FOXS1: variants seen among roughly 807,000 people sequenced by gnomAD.
The protein encoded by FOXS1 is forkhead box protein S1.
Under a neutral mutation model 13.0 loss-of-function variants are expected in FOXS1, and 7 were observed. The observed-to-expected ratio is 0.54, with a 90% CI of 0.31 to 1.01. The LOEUF is 1.01. FOXS1 is among the 50% of genes least tolerant of loss of function. The pLI, the probability that FOXS1 is intolerant of heterozygous loss-of-function variation, is 0.06. For synonymous variants in FOXS1, 161 were observed against 189.3 expected (o/e 0.85, Z 1.23); for missense variants, 414 against 464.1 (o/e 0.89, Z 0.99).
At position 31,845,427 on chromosome 20, in the gene FOXS1, GC is replaced by G; in HGVS notation, c.115del (p.Ala39ProfsTer126). 6.2e-7 allele frequency: 1 copy of G among 1,614,226 alleles called. No individual in the cohort carries two copies. The highest frequency in any genetic ancestry group is 8.5e-7 in the Non-Finnish European group (1 of 1,180,022). ...GTAGCGGTAGATGCCACTGAGGGTG[GC>G]CCGCTGCCCCGGTGAGCTCTGGATG... ...MAIQSSPGQRATLSGIYRYIM... is the reference protein window; with the variant it reads ...MAIQSSPGQRXTLSGIYRYIM... On this transcript the variant is annotated frameshift_variant, in exon 1 of 1. Coordinates refer to ENST00000375978, the MANE Select transcript of FOXS1 (RefSeq NM_004118.4). LOFTEE classifies it high-confidence loss of function.
In FOXS1 at chr20:31,845,292, C is replaced by G. The variant is rs374680968; in HGVS notation, c.251G>C (p.Arg84Pro). Residue 84 changes from arginine (R) to proline (P), a missense_variant, in exon 1 of 1, where the codon CGC becomes CCC. Transcript: ENST00000375978. ...CCAGTAGCTGCCCTTGCCTGGCTTG[C>G]GGTCATCGCGGGGCACCTTGACAAA... Reference protein sequence around the residue: ...ECFVKVPRDDRKPGKGSYWTL... With the variant: ...ECFVKVPRDDPKPGKGSYWTL... The G allele has an allele frequency of 2.5e-6, 4 of 1,614,214 alleles. No individual in the cohort carries two copies. In the East Asian group the frequency reaches 8.9e-5, roughly 36 times the overall value.
rs763889053 is a variant in FOXS1, at chr20:31,845,163, G to T, written c.380C>A (p.Ala127Asp). The T allele has an allele frequency of 6.2e-7, 1 of 1,607,488 alleles. No homozygotes were observed. Among genetic ancestry groups the T allele is most frequent in the South Asian group, 1.1e-5 (1 of 90,728 alleles). Residue 127 changes from alanine to aspartate, a missense_variant, in exon 1 of 1, where the codon GCC becomes GAC. By Grantham distance (126) the Ala-to-Asp change is moderately radical (BLOSUM62 -2). Coordinates refer to ENST00000375978, the MANE Select transcript of FOXS1 (RefSeq NM_004118.4). ...QTGAEGTRGP[A>D]KARRGPLRAT... ...CCTGAGGGGTCCACGGCGTGCCTTG[G>T]CGGGGCCCCGGGTGCCCTCAGCACC...
chr20:31,844,808 C>T lies in FOXS1; in HGVS notation c.735G>A (p.Gly245=), dbSNP rs2062363079. The part of the protein sequence containing the change: ...TPVLSPESGI[G]SSYQCRLQAL... Reference sequence around the variant, plus strand: ...CCTGCAGCCGACACTGGTAGCTGCTCCCGATGCCTGATTCCGGGGACAAGA... The same window carrying T: ...CCTGCAGCCGACACTGGTAGCTGCTTCCGATGCCTGATTCCGGGGACAAGA... Residue 245 remains glycine, a synonymous_variant, in exon 1 of 1, where the codon GGG becomes GGA. Coordinates refer to ENST00000375978, the MANE Select transcript of FOXS1 (RefSeq NM_004118.4). 1.9e-6 allele frequency: 3 copies of T among 1,614,188 alleles called. No homozygotes were observed. The highest frequency in any genetic ancestry group is 2.5e-6 in the Non-Finnish European group (3 of 1,180,018).
rs1371574863 is a variant in FOXS1 at position 31,845,174 on chromosome 20, G to C, written c.369C>G (p.Thr123=). The C allele has an allele frequency of 6.2e-7, 1 of 1,608,616 alleles. No individual in the cohort carries two copies. The highest frequency in any genetic ancestry group is 8.5e-7 in the Non-Finnish European group (1 of 1,176,828). The part of the protein sequence containing the change: ...RFTRQTGAEG[T]RGPAKARRGP... ...CACGGCGTGCCTTGGCGGGGCCCCG[G>C]GTGCCCTCAGCACCTGTCTGCCGGG... The change falls in exon 1 of 1, where the codon ACC becomes ACG. Residue 123 remains threonine (T), a synonymous_variant. Coordinates refer to ENST00000375978, the MANE Select transcript of FOXS1 (RefSeq NM_004118.4).
chr20:31,845,446 T>C lies in FOXS1; in HGVS notation c.97A>G (p.Ser33Gly). Residue 33 changes from serine to glycine, a missense_variant, in exon 1 of 1, where the codon AGC becomes GGC. Coordinates refer to ENST00000375978, the MANE Select transcript of FOXS1 (RefSeq NM_004118.4). ...AGGGTGGCCCGCTGCCCCGGTGAGC[T>C]CTGGATGGCCATAGCAATAAGGGCG... ...YIALIAMAIQSSPGQRATLSG... is the reference protein window; with the variant it reads ...YIALIAMAIQGSPGQRATLSG... The C allele has an allele frequency of 6.2e-7, 1 of 1,614,152 alleles. No homozygotes were observed.
At position 31,845,178 on chromosome 20, in the gene FOXS1, C is replaced by T. The variant is rs2062366750; in HGVS notation, c.365G>A (p.Gly122Asp). Residue 122 changes from glycine to aspartate, a missense_variant, in exon 1 of 1, where the codon GGC (glycine) becomes GAC (aspartate). By Grantham distance (94) the Gly-to-Asp change is moderately conservative. Transcript: ENST00000375978. ...GCGTGCCTTGGCGGGGCCCCGGGTG[C>T]CCTCAGCACCTGTCTGCCGGGTGAA... ...RRFTRQTGAE[G>D]TRGPAKARRG... is the part of the protein sequence containing the mutation. 1.2e-6 allele frequency: 2 copies of T among 1,608,700 alleles called. No homozygotes were observed. The highest frequency in any genetic ancestry group is 1.7e-6 in the Non-Finnish European group (2 of 1,176,750).
Position 31,845,110 on chromosome 20 carries a change from TG to T in FOXS1, c.432del (p.Asn145ThrfsTer20). The T allele has an allele frequency of 6.2e-7, 1 of 1,608,252 alleles. No individual in the cohort carries two copies. The highest frequency in any genetic ancestry group is 8.5e-7 in the Non-Finnish European group (1 of 1,178,148). ...LRATSQDPGV[P>X]NATTGRQCSF... is the part of the protein sequence containing the mutation. The stretch of plus-strand genomic sequence containing the variant: ...GAGCACTGCCTGCCGGTCGTGGCGT[TG>T]GGGACTCCTGGGTCCTGGCTGGTCG... On this transcript the variant is annotated frameshift_variant, in exon 1 of 1. Coordinates refer to ENST00000375978, the MANE Select transcript of FOXS1 (RefSeq NM_004118.4). LOFTEE classifies it low-confidence loss of function (END_TRUNC).
At position 31,844,997 on chromosome 20, in the gene FOXS1, A is replaced by G. The variant is rs369259178; in HGVS notation, c.546T>C (p.Thr182=). ...CCATGGGTGGCCGAGGCCTGCCATC[A>G]GTGGTTGCTGGGCACATACTGGCTG... ...AMPASMCPAT[T]DGRPRPPMEP... is the part of the protein sequence containing the mutation. The change falls in exon 1 of 1, where the codon ACT becomes ACC. Residue 182 remains threonine (T), a synonymous_variant. Coordinates refer to ENST00000375978, the MANE Select transcript of FOXS1 (RefSeq NM_004118.4). 1.2e-6 allele frequency: 2 copies of G among 1,613,978 alleles called. No homozygotes were observed. Among genetic ancestry groups the G allele is most frequent in the East Asian group, 2.2e-5 (1 of 44,882 alleles).
In FOXS1 at chr20:31,845,115, A is replaced by G; in HGVS notation, c.428T>C (p.Val143Ala). 1 of 1,606,436 alleles carries G rather than the reference A, an allele frequency of 6.2e-7. No individual in the cohort carries two copies. The highest frequency in any genetic ancestry group is 1.7e-5 in the Admixed American group (1 of 59,670). The change falls in exon 1 of 1, where the codon GTC becomes GCC. Residue 143 changes from valine to alanine, a missense_variant. Transcript: ENST00000375978. ...CTGCCTGCCGGTCGTGGCGTTGGGG[A>G]CTCCTGGGTCCTGGCTGGTCGCCCT... Reference protein sequence around the residue: ...PLRATSQDPGVPNATTGRQCS... With the variant: ...PLRATSQDPGAPNATTGRQCS...
Position 31,845,471 on chromosome 20 carries a change from G to C in FOXS1, c.72C>G (p.Ile24Met). The C allele has an allele frequency of 6.2e-7, 1 of 1,614,206 alleles. No homozygotes were observed. The highest frequency in any genetic ancestry group is 8.5e-7 in the Non-Finnish European group (1 of 1,180,014). ...TEPTKPPYSY[I>M]ALIAMAIQSS... Reference sequence around the variant, plus strand: ...TCTGGATGGCCATAGCAATAAGGGCGATGTAGCTGTAGGGAGGCTTGGTTG... The same window carrying C: ...TCTGGATGGCCATAGCAATAAGGGCCATGTAGCTGTAGGGAGGCTTGGTTG... The change falls in exon 1 of 1, where the codon ATC becomes ATG. Residue 24 changes from isoleucine to methionine, a missense_variant. Coordinates refer to ENST00000375978, the MANE Select transcript of FOXS1 (RefSeq NM_004118.4).
At position 31,845,188 on chromosome 20, in the gene FOXS1, C is replaced by G; in HGVS notation, c.355G>C (p.Gly119Arg). ...RRRRRFTRQT[G>R]AEGTRGPAKA... ...GCGGGGCCCCGGGTGCCCTCAGCAC[C>G]TGTCTGCCGGGTGAAGCGGCGGCGG... Residue 119 changes from glycine (G) to arginine (R), a missense_variant, in exon 1 of 1, where the codon GGT becomes CGT. Gly to Arg is a moderately radical substitution (Grantham distance 125). Transcript: ENST00000375978. 6.2e-7 allele frequency: 1 copy of G among 1,611,320 alleles called. No homozygotes were observed. Among genetic ancestry groups the G allele is most frequent in the Non-Finnish European group, 8.5e-7 (1 of 1,178,348 alleles).
chr20:31,844,682 G>T lies in FOXS1; in HGVS notation c.861C>A (p.Ala287=), dbSNP rs146758105. The T allele has an allele frequency of 1.2e-6, 2 of 1,613,178 alleles. No individual in the cohort carries two copies. Among genetic ancestry groups the T allele is most frequent in the Non-Finnish European group, 8.5e-7 (1 of 1,179,452 alleles). The change falls in exon 1 of 1, where the codon GCC becomes GCA. Residue 287 remains alanine (A), a synonymous_variant. Coordinates refer to ENST00000375978, the MANE Select transcript of FOXS1 (RefSeq NM_004118.4). ...TGTGGTCAGTTGGCAGGGGCAGTGGGGCCCGGAGTGAGCCTGGAGGGGTGG... is the reference window on the plus strand; with the variant it reads ...TGTGGTCAGTTGGCAGGGGCAGTGGTGCCCGGAGTGAGCCTGGAGGGGTGG... The part of the protein sequence containing the change: ...APPTPPGSLR[A]PLPLPTDHKE...
At position 31,845,590 on chromosome 20, in the gene FOXS1, T is replaced by C. The variant is rs745426844; in HGVS notation, c.-48A>G. ...TGGGACCTGCTGGGTCAGGCTCAGCTTCCAGGGCTGGCGTCCGGAATAGCC... is the reference window on the plus strand; with the variant it reads ...TGGGACCTGCTGGGTCAGGCTCAGCCTCCAGGGCTGGCGTCCGGAATAGCC... On this transcript the variant is annotated 5_prime_UTR_variant, in exon 1 of 1. Coordinates refer to ENST00000375978, the MANE Select transcript of FOXS1 (RefSeq NM_004118.4). 2.1e-5 allele frequency: 33 copies of C among 1,596,186 alleles called. No homozygotes were observed. The highest frequency in any genetic ancestry group is 2.8e-5 in the Non-Finnish European group (33 of 1,170,142).
rs757498675 is a variant in FOXS1 at position 31,844,523 on chromosome 20, C to T, written c.*27G>A. 6.2e-7 allele frequency: 1 copy of T among 1,610,232 alleles called. No individual in the cohort carries two copies. The highest frequency in any genetic ancestry group is 8.5e-7 in the Non-Finnish European group (1 of 1,178,192). On this transcript the variant is annotated 3_prime_UTR_variant, in exon 1 of 1. Transcript: ENST00000375978. Reference sequence around the variant, plus strand: ...CTCAGCCCGGAGGGTGAGGGACCTGCAGGGACTGCCCGAGGTGAGGCTGCC... The same window carrying T: ...CTCAGCCCGGAGGGTGAGGGACCTGTAGGGACTGCCCGAGGTGAGGCTGCC...
chr20:31,844,450 C>T lies in FOXS1; in HGVS notation c.*100G>A, dbSNP rs1367481311. 63 of 1,416,080 alleles carry T rather than the reference C, an allele frequency of 4.4e-5. No homozygotes were observed. Among genetic ancestry groups the T allele is most frequent in the Admixed American group, 3.1e-4 (15 of 48,198 alleles). The allele number at this position is 1,416,080 out of a possible 1,614,324, so 87.7% of individuals were successfully genotyped here. On this transcript the variant is annotated 3_prime_UTR_variant, in exon 1 of 1. Coordinates refer to ENST00000375978, the MANE Select transcript of FOXS1 (RefSeq NM_004118.4). ...TGGCTTTCTGTGTGGTTGTCCTTGG[C>T]TCACCAGGGCTGGGTCCTTCGAGAG...
rs772182067 is a variant in FOXS1 at position 31,845,086 on chromosome 20, A to G, written c.457T>C (p.Ser153Pro). ...VPNATTGRQCSFPPELPDPKG... is the reference protein window; with the variant it reads ...VPNATTGRQCPFPPELPDPKG... Reference sequence around the variant, plus strand: ...GGATCTGGCAGCTCTGGTGGGAATGAGCACTGCCTGCCGGTCGTGGCGTTG... The same window carrying G: ...GGATCTGGCAGCTCTGGTGGGAATGGGCACTGCCTGCCGGTCGTGGCGTTG... Residue 153 changes from serine (S) to proline (P), a missense_variant, in exon 1 of 1, where the codon TCA becomes CCA. By Grantham distance (74) the Ser-to-Pro change is moderately conservative. Coordinates refer to ENST00000375978, the MANE Select transcript of FOXS1 (RefSeq NM_004118.4). 1 of 1,609,676 alleles carries G rather than the reference A, an allele frequency of 6.2e-7. No homozygotes were observed. The highest frequency in any genetic ancestry group is 8.5e-7 in the Non-Finnish European group (1 of 1,179,004).
In FOXS1 at chr20:31,844,427, G is replaced by A; in HGVS notation, c.*123C>T. 8.0e-7 allele frequency: 1 copy of A among 1,255,948 alleles called. No homozygotes were observed. Among genetic ancestry groups the A allele is most frequent in the South Asian group, 1.4e-5 (1 of 69,620 alleles). The allele number at this position is 1,255,948 out of a possible 1,614,324, so 77.8% of individuals were successfully genotyped here. On this transcript the variant is annotated 3_prime_UTR_variant, in exon 1 of 1. Transcript: ENST00000375978. Reference sequence around the variant, plus strand: ...CTGGCTGAGCACCGCTTCAATCCTGGCTTTCTGTGTGGTTGTCCTTGGCTC... The same window carrying A: ...CTGGCTGAGCACCGCTTCAATCCTGACTTTCTGTGTGGTTGTCCTTGGCTC...
Position 31,845,513 on chromosome 20 carries a change from G to A in FOXS1, c.30C>T (p.Gly10=), listed in dbSNP as rs368093781. The change falls in exon 1 of 1, where the codon GGC becomes GGT. Residue 10 remains glycine, a synonymous_variant. Coordinates refer to ENST00000375978, the MANE Select transcript of FOXS1 (RefSeq NM_004118.4). ...GCTTGGTTGGCTCAGTTGTGGGGGCGCCAGGCCCGGGCAGAGGCTGCTGCT... is the reference window on the plus strand; with the variant it reads ...GCTTGGTTGGCTCAGTTGTGGGGGCACCAGGCCCGGGCAGAGGCTGCTGCT... The part of the protein sequence containing the change: MQQQPLPGP[G]APTTEPTKPP... 132 of 1,613,598 alleles carry A rather than the reference G, an allele frequency of 8.2e-5. No individual in the cohort carries two copies. Among genetic ancestry groups the A allele is most frequent in the Non-Finnish European group, 1.0e-4 (121 of 1,179,778 alleles).
Position 31,844,505 on chromosome 20 carries a change from C to CG in FOXS1, c.*44dup. 1.2e-6 allele frequency: 2 copies of CG among 1,600,732 alleles called. No homozygotes were observed. The highest frequency in any genetic ancestry group is 1.7e-6 in the Non-Finnish European group (2 of 1,172,746). On this transcript the variant is annotated 3_prime_UTR_variant, in exon 1 of 1. Transcript: ENST00000375978. Reference sequence around the variant, plus strand: ...TCAGGTCCTAGAGCCAGGCTCAGCCCGGAGGGTGAGGGACCTGCAGGGACT... The same window carrying CG: ...TCAGGTCCTAGAGCCAGGCTCAGCCCGGGAGGGTGAGGGACCTGCAGGGACT...
Sources: allele counts gnomAD v4.1 joint callset, GRCh38; gene constraint gnomAD v4.1.1; transcripts MANE v1.5; gene names NCBI Gene and HGNC (gene_info 2026-07-23, HGNC 2026-07-21).